The following PRKD1 variants were observed in gnomAD, a reference collection of about 807,000 sequenced individuals.
The protein encoded by PRKD1 is protein kinase D1, also known as serine/threonine-protein kinase D1.
Under a neutral mutation model 95.9 loss-of-function variants are expected in PRKD1, and 63 were observed. The ratio of observed to expected loss-of-function variants is 0.66; its 90% CI spans 0.54 to 0.81. The LOEUF (loss-of-function observed/expected upper bound fraction) is 0.81, where lower values mean the gene tolerates loss of function less well. PRKD1 is among the 30% of genes least tolerant of loss of function. The probability of loss-of-function intolerance (pLI) is 0.00; values close to 1 mark genes in which losing one functional copy is unlikely to be tolerated. For synonymous variants in PRKD1, 425 were observed against 423.1 expected (o/e 1.00, Z -0.05); for missense variants, 1,048 against 1,165.3 (o/e 0.90, Z 1.47).
chr14:29,595,395 C>A lies in PRKD1; in HGVS notation c.2434+2096G>T, dbSNP rs45582038. The stretch of plus-strand genomic sequence containing the variant: ...AGGCCCTGGTTTTCCACCTAGGTAA[C>A]AATTAAAGGAAATATATTATCATTT... On this transcript the variant is annotated intron_variant, in intron 16 of 17. Transcript: ENST00000331968. Among the ~76,000 whole-genome samples, 6 of 152,198 alleles carry A rather than the reference C, an allele frequency of 3.9e-5. No homozygotes were observed. The East Asian group carries it at 1.2e-3, about 29-fold the overall frequency.
chr14:29,923,647 T>C (rs1241795681), intron 1 of PRKD1, among the ~76,000 whole-genome samples: 1 of 152,128 alleles, frequency 6.6e-6, no homozygotes, highest in Non-Finnish European at 1.5e-5. Flanking sequence ...AAGATGATTC[T>C]GAAAAGTGAA....
At chr14:29,591,570 A>G (rs1004358385) in intron 16 of PRKD1, among the ~76,000 whole-genome samples, 1 of 152,134 alleles carries the variant, frequency 6.6e-6, no homozygotes, top group Admixed American at 6.5e-5. Context: ...TAGCTCCTCT[A>G]ATTAACTGCT....
At chr14:29,734,516 A>C (rs1398817184) in intron 1 of PRKD1, among the ~76,000 whole-genome samples, 1 of 152,136 alleles carries the variant, frequency 6.6e-6, no homozygotes, top group Non-Finnish European at 1.5e-5. Flanking sequence ...GGACAGCTCT[A>C]TAGCAGTCTT....
At chr14:29,810,157 C>T (rs1890419902) in intron 1 of PRKD1, among the ~76,000 whole-genome samples, 1 of 152,126 alleles carries the variant, frequency 6.6e-6, no homozygotes, top group Non-Finnish European at 1.5e-5. Context: ...TTACAAAAAT[C>T]ATTCATCACA....
chr14:29,696,945 T>C (rs985158292), intron 2 of PRKD1, among the ~76,000 whole-genome samples: 1 of 152,112 alleles, frequency 6.6e-6, no homozygotes, highest in Non-Finnish European at 1.5e-5. Flanking sequence ...GCCACCTACT[T>C]CACATAGTGA....
Position 29,638,829 on chromosome 14 carries a change from G to A in PRKD1, c.772C>T (p.His258Tyr). The A allele has an allele frequency of 7.0e-7, 1 of 1,430,928 alleles. No individual in the cohort carries two copies. The allele number at this position is 1,430,928 out of a possible 1,614,324, so 88.6% of individuals were successfully genotyped here. ...TTAGACATCAAAATCTTGTCAAGGT[G>A]AATTGGTCGTCCAATGTATGATTGA... ...NSQSYIGRPIHLDKILMSKVK... is the reference protein window; with the variant it reads ...NSQSYIGRPIYLDKILMSKVK... Residue 258 changes from histidine (H) to tyrosine (Y), a missense_variant, in exon 5 of 18, where the codon CAC becomes TAC. Transcript: ENST00000331968.
chr14:29,743,071 A>C (rs564169744), intron 1 of PRKD1, among the ~76,000 whole-genome samples: 60 of 152,192 alleles, frequency 3.9e-4, no homozygotes, highest in Non-Finnish European at 6.9e-4. Flanking sequence ...TCACAAGACT[A>C]TAAAGGAGTC....
intron 4 of PRKD1, among the ~76,000 whole-genome samples, chr14:29,641,963 G>A (rs1232888725): frequency 6.7e-6 from 1 of 148,956 alleles, no homozygotes; most frequent in East Asian, 2.0e-4. Context: ...CAGTGCAATG[G>A]GGCATTCTCG....
chr14:29,687,324 A>C (rs1342448684), intron 2 of PRKD1, among the ~76,000 whole-genome samples: 3 of 152,230 alleles, frequency 2.0e-5, no homozygotes, highest in Non-Finnish European at 4.4e-5. Context: ...GAAACCAGGA[A>C]TCTTCAGATT....
At chr14:29,792,091 T>C (rs1198504496) in intron 1 of PRKD1, among the ~76,000 whole-genome samples, 1 of 152,122 alleles carries the variant, frequency 6.6e-6, no homozygotes. Flanking sequence ...TCCCATGTGA[T>C]AGATCAACAA....
intron 1 of PRKD1, among the ~76,000 whole-genome samples, chr14:29,829,663 T>C (rs1243731107): frequency 6.6e-6 from 1 of 152,168 alleles, no homozygotes; most frequent in Non-Finnish European, 1.5e-5. Context: ...ATAGTATTTC[T>C]CCACTAACAC....
At chr14:29,864,093 A>T (rs1311766602) in intron 1 of PRKD1, among the ~76,000 whole-genome samples, 1 of 152,068 alleles carries the variant, frequency 6.6e-6, no homozygotes, top group Non-Finnish European at 1.5e-5. Context: ...ATAATAAAGA[A>T]AATATTTATT....
At chr14:29,700,974 ATG>A (rs1884803065) in intron 2 of PRKD1, among the ~76,000 whole-genome samples, 4 of 39,340 alleles carry the variant, frequency 1.0e-4, no homozygotes, top group African/African-American at 4.6e-4. Flanking sequence ...ACGCGTGCGC[ATG>A]CGCGCGCGCG....
intron 2 of PRKD1, among the ~76,000 whole-genome samples, chr14:29,700,988 G>GCACACACACA (rs1555337072): frequency 1.1e-5 from 1 of 90,568 alleles, no homozygotes; most frequent in Non-Finnish European, 2.5e-5. Context: ...GCGCGCGCGC[G>GCACACACACA]CACACACACA....
chr14:29,639,340 G>C (rs552166363), intron 4 of PRKD1, among the ~76,000 whole-genome samples: 6 of 152,000 alleles, frequency 3.9e-5, no homozygotes, highest in Non-Finnish European at 8.8e-5. Context: ...TGCCCTACAT[G>C]GTACTTCATC....
intron 1 of PRKD1, among the ~76,000 whole-genome samples, chr14:29,805,686 A>G (rs1287267289): frequency 6.6e-6 from 1 of 152,216 alleles, no homozygotes; most frequent in Non-Finnish European, 1.5e-5. Context: ...GAGAGGTTAA[A>G]AAACTTGTCC....
At chr14:29,906,581 T>C (rs45508797) in intron 1 of PRKD1, among the ~76,000 whole-genome samples, 1 of 151,574 alleles carries the variant, frequency 6.6e-6, no homozygotes, top group African/African-American at 2.4e-5. Context: ...GCAGAGTAAC[T>C]GAGATGTAAA....
intron 13 of PRKD1, among the ~76,000 whole-genome samples, chr14:29,600,920 TA>T (rs45495291): frequency 0.036 from 5,471 of 150,526 alleles, 337 homozygotes; most frequent in African/African-American, 0.13. Flanking sequence ...ATCCTAACAT[TA>T]AAAAAAAATT....
intron 1 of PRKD1, among the ~76,000 whole-genome samples, chr14:29,883,446 T>C (rs1893586231): frequency 6.6e-6 from 1 of 152,238 alleles, no homozygotes; most frequent in African/African-American, 2.4e-5. Context: ...TGTATATTTA[T>C]TGCATTTTTC....
Sources: gnomAD v4.1 joint callset for allele counts (sites outside exome capture counted in the v4.1 genomes callset) on GRCh38, gnomAD v4.1.1 for gene constraint, MANE v1.5 for transcripts, NCBI Gene and HGNC (gene_info 2026-07-23, HGNC 2026-07-21) for gene names.